The following BCAS3 variants were observed in gnomAD, a reference collection of about 807,000 sequenced individuals.
BCAS3 encodes the protein BCAS3 microtubule associated cell migration factor.
A neutral mutation model predicts 116.1 loss-of-function variants in BCAS3; 53 were observed. The ratio of observed to expected loss-of-function variants is 0.46; its 90% CI spans 0.37 to 0.57. The LOEUF (loss-of-function observed/expected upper bound fraction) is 0.57, where lower values mean the gene tolerates loss of function less well. Among genes scored for constraint, BCAS3 ranks in the 20% least tolerant of loss-of-function variants. BCAS3 has a pLI of 0.00. For synonymous variants in BCAS3, 391 were observed against 408.2 expected (o/e 0.96, Z 0.51); for missense variants, 917 against 1,165.4 (o/e 0.79, Z 3.10).
intron 22 of BCAS3, among the ~76,000 whole-genome samples, chr17:61,216,612 C>T (rs529307115): frequency 1.5e-4 from 23 of 151,654 alleles, no homozygotes; most frequent in South Asian, 1.0e-3. Flanking sequence ...ATGGCAATCT[C>T]GGCTCACTGC....
At chr17:61,178,759 T>TA (rs1417727286) in intron 22 of BCAS3, among the ~76,000 whole-genome samples, 1 of 152,274 alleles carries the variant, frequency 6.6e-6, no homozygotes, top group African/African-American at 2.4e-5. Context: ...TTTCATGGCT[T>TA]AAAATCAAAT....
At chr17:60,851,897 G>A (rs1237439422) in intron 7 of BCAS3, among the ~76,000 whole-genome samples, 1 of 152,096 alleles carries the variant, frequency 6.6e-6, no homozygotes, top group Non-Finnish European at 1.5e-5. Flanking sequence ...TTTTTTAAGT[G>A]TAAATGCTTT....
intron 14 of BCAS3, among the ~76,000 whole-genome samples, chr17:60,948,117 T>A (rs963417205): frequency 1.4e-4 from 21 of 152,192 alleles, no homozygotes; most frequent in African/African-American, 4.8e-4. Context: ...TTTTATTATT[T>A]TTTTTGAGTT....
intron 19 of BCAS3, among the ~76,000 whole-genome samples, chr17:61,045,081 T>C (rs1451999930): frequency 6.6e-6 from 1 of 152,048 alleles, no homozygotes; most frequent in African/African-American, 2.4e-5. Flanking sequence ...TTTAAAACTG[T>C]AAAATAGTTT....
chr17:61,177,108 A>T (rs1349964230), intron 22 of BCAS3, among the ~76,000 whole-genome samples: 2 of 152,256 alleles, frequency 1.3e-5, no homozygotes, highest in African/African-American at 4.8e-5. Flanking sequence ...TTTTGGAAAT[A>T]GAAAATTGTA....
In BCAS3 at chr17:61,058,834, T is replaced by C. The variant is rs1269626826; in HGVS notation, c.2030-16086T>C. ...AACAACAGACTCTCAATCAATGATA[T>C]AATTGACGTTTGGGGATAAAAATCT... On this transcript the variant is annotated intron_variant, in intron 19 of 23. Coordinates refer to ENST00000407086, the MANE Select transcript of BCAS3 (RefSeq NM_017679.5). Among the ~76,000 whole-genome samples the C allele has an allele frequency of 2.0e-5, 3 of 152,254 alleles. No homozygotes were observed. In the East Asian group the frequency reaches 5.8e-4, roughly 29 times the overall value.
chr17:61,300,861 A>C lies in BCAS3; in HGVS notation c.2426-67466A>C, dbSNP rs1363116795. Among the ~76,000 whole-genome samples, 1 of 152,180 alleles carries C rather than the reference A, an allele frequency of 6.6e-6. No homozygotes were observed. Among genetic ancestry groups the C allele is most frequent in the Non-Finnish European group, 1.5e-5 (1 of 68,028 alleles). On this transcript the variant is annotated intron_variant, in intron 22 of 23. Coordinates refer to ENST00000407086, the MANE Select transcript of BCAS3 (RefSeq NM_017679.5). This position sits in a 1 kb window ranked among gnomAD's most constrained non-coding sequence, Gnocchi z 5.1. ...CTCTGCCCAGGAATCATTTGTAGGC[A>C]AACACATATATTTGTGACAGGACAT...
In BCAS3 at chr17:61,087,327, A is replaced by G. The variant is rs956663267; in HGVS notation, c.2425+2763A>G. Reference sequence around the variant, plus strand: ...GACTTCATGGATTATCTTCTTAATTATTCCTATGGCACATGTTACACCTAA... The same window carrying G: ...GACTTCATGGATTATCTTCTTAATTGTTCCTATGGCACATGTTACACCTAA... On this transcript the variant is annotated intron_variant, in intron 22 of 23. Transcript: ENST00000407086. This position sits in a 1 kb window ranked among gnomAD's most constrained non-coding sequence, Gnocchi z 4.6. The G allele has an allele frequency of 5.6e-6, 3 of 531,562 alleles. No individual in the cohort carries two copies. The highest frequency in any genetic ancestry group is 7.2e-6 in the Non-Finnish European group (3 of 415,560). The allele number at this position is 531,562 out of a possible 1,614,324, so 32.9% of individuals were successfully genotyped here.
intron 7 of BCAS3, among the ~76,000 whole-genome samples, chr17:60,820,177 T>TCTC (rs1469180091): frequency 1.3e-5 from 2 of 151,794 alleles, no homozygotes; most frequent in East Asian, 1.9e-4. Flanking sequence ...TTCATGCCAT[T>TCTC]CTGCCTCAGC....
At chr17:61,146,985 G>T (rs1852364076) in intron 22 of BCAS3, among the ~76,000 whole-genome samples, 1 of 152,002 alleles carries the variant, frequency 6.6e-6, no homozygotes, top group Non-Finnish European at 1.5e-5. Flanking sequence ...CGTGATCATG[G>T]CTTACTGCAG....
At chr17:61,372,701 C>T (rs77517872) in intron 23 of BCAS3, among the ~76,000 whole-genome samples, 1,671 of 152,268 alleles carry the variant, frequency 0.011, 32 homozygotes, top group African/African-American at 0.037. Flanking sequence ...CTCTTGCCCG[C>T]GAGGCTTCTG....
chr17:60,836,191 T>C (rs1383777223), intron 7 of BCAS3, among the ~76,000 whole-genome samples: 1 of 152,146 alleles, frequency 6.6e-6, no homozygotes, highest in Non-Finnish European at 1.5e-5. Flanking sequence ...CATTGACACA[T>C]CATTATCACC....
chr17:60,798,532 A>G (rs191579195), intron 6 of BCAS3, among the ~76,000 whole-genome samples: 502 of 152,210 alleles, frequency 3.3e-3, no homozygotes, highest in Non-Finnish European at 5.8e-3. Context: ...TTGATAGCTC[A>G]TTTCTTTTTA....
At chr17:61,317,053 C>T (rs747202323) in intron 22 of BCAS3, among the ~76,000 whole-genome samples, 2 of 152,142 alleles carry the variant, frequency 1.3e-5, no homozygotes, top group Non-Finnish European at 2.9e-5. Flanking sequence ...ACAAAAATTC[C>T]GTTCACTGCT....
Position 61,269,405 on chromosome 17 carries a change from G to A in BCAS3, c.2426-98922G>A, listed in dbSNP as rs1341968291. ...GCTGGGATTACAGGCATGAGCCACC[G>A]CGCCCGGCCATTATATTTTCAATTC... On this transcript the variant is annotated intron_variant, in intron 22 of 23. Coordinates refer to ENST00000407086, the MANE Select transcript of BCAS3 (RefSeq NM_017679.5). Among the ~76,000 whole-genome samples the A allele has an allele frequency of 3.3e-5, 5 of 151,896 alleles. No individual in the cohort carries two copies. The South Asian group carries it at 6.2e-4, about 19-fold the overall frequency.
chr17:60,898,540 G>A (rs73320651), intron 10 of BCAS3, among the ~76,000 whole-genome samples: 5,874 of 152,114 alleles, frequency 0.039, 432 homozygotes, highest in African/African-American at 0.13. Flanking sequence ...GTGAAGTTTT[G>A]CTGGAGACTG....
Position 61,082,272 on chromosome 17 carries a change from T to C in BCAS3, c.2328-2195T>C, listed in dbSNP as rs1393468807. Among the ~76,000 whole-genome samples, 2 of 152,244 alleles carry C rather than the reference T, an allele frequency of 1.3e-5. No individual in the cohort carries two copies. The highest frequency in any genetic ancestry group is 1.5e-5 in the Non-Finnish European group (1 of 68,040). ...AACATGAAATTTACCAGTTTTAAAA[T>C]GTACAAGTCAGTGGGTTTTAGTATA... On this transcript the variant is annotated intron_variant, in intron 21 of 23. Transcript: ENST00000407086. The surrounding 1 kb of genome is among the most constrained non-coding windows in gnomAD (Gnocchi z 5.1).
In BCAS3 at chr17:60,816,494, C is replaced by T. The variant is rs563275615; in HGVS notation, c.476+8418C>T. 9.7e-4 allele frequency among the ~76,000 whole-genome samples: 148 copies of T among 152,020 alleles called. 2 individuals carry two copies. Among genetic ancestry groups the T allele is most frequent in the African/African-American group, 3.4e-3 (140 of 41,472 alleles). On this transcript the variant is annotated intron_variant, in intron 7 of 23. Transcript: ENST00000407086. Reference sequence around the variant, plus strand: ...TTCACCATTTTGGCCAGGATGGTCCCGATCTCCTGACCTCGTGATCCGCCC... The same window carrying T: ...TTCACCATTTTGGCCAGGATGGTCCTGATCTCCTGACCTCGTGATCCGCCC...
At chr17:61,371,431 CTG>C (rs1193544336) in intron 23 of BCAS3, among the ~76,000 whole-genome samples, 5 of 152,106 alleles carry the variant, frequency 3.3e-5, no homozygotes, top group Non-Finnish European at 7.4e-5. Flanking sequence ...TCAGAGTGGT[CTG>C]GGGGTTGAAG....
Sources: gnomAD v4.1 joint callset for allele counts (sites outside exome capture counted in the v4.1 genomes callset) on GRCh38, gnomAD v4.1.1 for gene constraint, Gnocchi (gnomAD v3.1) non-coding constraint, MANE v1.5 for transcripts, NCBI Gene and HGNC (gene_info 2026-07-23, HGNC 2026-07-21) for gene names.